The following SVOPL variants were observed in gnomAD, a reference collection of about 807,000 sequenced individuals.
SVOPL encodes SVOP like, also known as putative transporter SVOPL.
In SVOPL, 60 loss-of-function variants were observed where a neutral mutation model predicts 61.0. The observed-to-expected ratio is 0.98, with a 90% CI of 0.80 to 1.22. SVOPL has a LOEUF of 1.22. Among genes scored for constraint, SVOPL ranks in the 50% most tolerant of loss-of-function variants. The probability of loss-of-function intolerance (pLI) is 0.00; values close to 1 mark genes in which losing one functional copy is unlikely to be tolerated. For synonymous variants in SVOPL, 279 were observed against 250.0 expected (o/e 1.12, Z -1.09); for missense variants, 662 against 643.9 (o/e 1.03, Z -0.30).
At chr7:138,613,147 C>A (rs182123050) in intron 14 of SVOPL, among the ~76,000 whole-genome samples, 1 of 151,982 alleles carries the variant, frequency 6.6e-6, no homozygotes, top group African/African-American at 2.4e-5. Flanking sequence ...AGCCTCCCAA[C>A]TAGCTGGGAC....
intron 9 of SVOPL, among the ~76,000 whole-genome samples, chr7:138,641,670 TCA>T (rs1800789604): frequency 3.6e-5 from 1 of 27,458 alleles, no homozygotes. Flanking sequence ...AAACTCCATC[TCA>T]AAAAAAAAAA....
rs897611465 is a variant in SVOPL at position 138,660,735 on chromosome 7, G to T, written c.346-747C>A. ...TTCAGGTTAGCAGAATATTTTCAAG[G>T]TTCATGTTTCATACTGCCAGGCTGA... On this transcript the variant is annotated intron_variant, in intron 5 of 15. Coordinates refer to ENST00000674285, the MANE Select transcript of SVOPL (RefSeq NM_001139456.2). The T allele has an allele frequency of 7.1e-6, 7 of 985,088 alleles. No homozygotes were observed. The Admixed American group carries it at 3.1e-4, about 43-fold the overall frequency. The allele number at this position is 985,088 out of a possible 1,614,324, so 61.0% of individuals were successfully genotyped here.
intron 4 of SVOPL, among the ~76,000 whole-genome samples, chr7:138,664,594 G>A (rs1460842523): frequency 6.8e-6 from 1 of 147,092 alleles, no homozygotes; most frequent in African/African-American, 2.5e-5. Context: ...TCCTCCATCG[G>A]GCACGCCCCT....
chr7:138,653,409 G>A (rs114180363), intron 7 of SVOPL, among the ~76,000 whole-genome samples: 151 of 152,248 alleles, frequency 9.9e-4, no homozygotes, highest in African/African-American at 3.3e-3. Context: ...TTCAAAGGAC[G>A]GGCTGAATCT....
intron 7 of SVOPL, among the ~76,000 whole-genome samples, chr7:138,655,677 T>A (rs904885379): frequency 1.3e-5 from 2 of 149,642 alleles, no homozygotes; most frequent in African/African-American, 4.9e-5. Flanking sequence ...ACGTATAATT[T>A]ACATATATGT....
intron 5 of SVOPL, chr7:138,661,078 G>A (rs1801980807): frequency 1.0e-6 from 1 of 985,010 alleles, no homozygotes; most frequent in Non-Finnish European, 1.2e-6. Context: ...AAATTTACAA[G>A]AATCTATGCT....
chr7:138,658,946 T>G (rs891452069), intron 6 of SVOPL, among the ~76,000 whole-genome samples: 1 of 133,218 alleles, frequency 7.5e-6, no homozygotes, highest in Admixed American at 8.2e-5. Context: ...GCCAGGGCAC[T>G]CTAAAATTTA....
intron 13 of SVOPL, among the ~76,000 whole-genome samples, chr7:138,621,958 CTATG>C (rs1274714124): frequency 1.5e-5 from 1 of 66,118 alleles, no homozygotes; most frequent in African/African-American, 6.8e-5. Context: ...ATCTATCTAT[CTATG>C]TATCTATCTA....
chr7:138,655,069 A>T (rs1413674053), intron 7 of SVOPL, among the ~76,000 whole-genome samples: 1 of 151,844 alleles, frequency 6.6e-6, no homozygotes, highest in African/African-American at 2.4e-5. Context: ...GCGCACCTGT[A>T]ATCCCAGTTA....
At chr7:138,648,467 C>A (rs191318421) in intron 8 of SVOPL, among the ~76,000 whole-genome samples, 1 of 144,010 alleles carries the variant, frequency 6.9e-6, no homozygotes. Context: ...TTTGGGAGGC[C>A]GAGGCGGGTG....
chr7:138,685,186 C>T (rs1172784287), intron 1 of SVOPL, among the ~76,000 whole-genome samples: 1 of 151,878 alleles, frequency 6.6e-6, no homozygotes, highest in Non-Finnish European at 1.5e-5. Flanking sequence ...CCTGCCTCAG[C>T]CTCCCAAAGT....
At chr7:138,699,713 T>C (rs772559457) in intron 1 of SVOPL, among the ~76,000 whole-genome samples, 3 of 152,208 alleles carry the variant, frequency 2.0e-5, no homozygotes, top group East Asian at 1.9e-4. Flanking sequence ...TCCAAAGGCA[T>C]AGTTGGTGCA....
intron 1 of SVOPL, among the ~76,000 whole-genome samples, chr7:138,693,529 A>AAAG (rs1554477032): frequency 7.7e-5 from 9 of 117,194 alleles, no homozygotes; most frequent in South Asian, 3.1e-4. Flanking sequence ...AAAAGAAAGA[A>AAAG]AAAGAAAGAA....
At chr7:138,693,529 A>AAAGAAAGAAAGAAAG (rs1554477032) in intron 1 of SVOPL, among the ~76,000 whole-genome samples, 2 of 117,086 alleles carry the variant, frequency 1.7e-5, no homozygotes, top group Admixed American at 1.1e-4. Context: ...AAAAGAAAGA[A>AAAGAAAGAAAGAAAG]AAAGAAAGAA....
chr7:138,675,232 C>G (rs1371535128), intron 3 of SVOPL, among the ~76,000 whole-genome samples: 11 of 147,896 alleles, frequency 7.4e-5, no homozygotes, highest in African/African-American at 2.5e-4. Flanking sequence ...TAGATCTCAT[C>G]TCAAAAAAAA....
intron 9 of SVOPL, among the ~76,000 whole-genome samples, chr7:138,642,938 A>G (rs1287042058): frequency 1.3e-5 from 2 of 152,062 alleles, no homozygotes; most frequent in Non-Finnish European, 2.9e-5. Context: ...ACCTTTAAAT[A>G]AATTGAATCG....
At chr7:138,608,677 C>G (rs1798862448) in intron 14 of SVOPL, among the ~76,000 whole-genome samples, 1 of 151,414 alleles carries the variant, frequency 6.6e-6, no homozygotes. Context: ...ATACTTCAAT[C>G]AAAAGTGTAC....
At chr7:138,618,235 A>T (rs77953344) in intron 14 of SVOPL, among the ~76,000 whole-genome samples, 1 of 152,160 alleles carries the variant, frequency 6.6e-6, no homozygotes, top group African/African-American at 2.4e-5. Flanking sequence ...TCATCATGAT[A>T]ATATTAGCTC....
At chr7:138,674,737 T>G (rs555276464) in intron 3 of SVOPL, among the ~76,000 whole-genome samples, 2 of 151,938 alleles carry the variant, frequency 1.3e-5, no homozygotes, top group Non-Finnish European at 2.9e-5. Flanking sequence ...GCGCCTGTAG[T>G]CCCAGCTACT....
Sources: allele counts gnomAD v4.1 joint callset (sites outside exome capture counted in the v4.1 genomes callset), GRCh38; gene constraint gnomAD v4.1.1; transcripts MANE v1.5; gene names NCBI Gene and HGNC (gene_info 2026-07-23, HGNC 2026-07-21).